MLANA: variants seen among roughly 807,000 people sequenced by gnomAD.
MLANA encodes melan-A.
A neutral mutation model predicts 15.7 loss-of-function variants in MLANA; 21 were observed. The ratio of observed to expected loss-of-function variants is 1.33; its 90% CI spans 0.95 to 1.92. The LOEUF is 1.92. Among genes scored for constraint, MLANA ranks in the 40% most tolerant of loss-of-function variants. The probability of loss-of-function intolerance (pLI) is 0.00; values close to 1 mark genes in which losing one functional copy is unlikely to be tolerated. For synonymous variants in MLANA, 56 were observed against 51.5 expected (o/e 1.09, Z -0.37); for missense variants, 164 against 143.8 (o/e 1.14, Z -0.72).
intron 3 of MLANA, chr9:5,899,378 G>A (rs1027200688): frequency 6.6e-6 from 1 of 152,168 alleles, no homozygotes; most frequent in Non-Finnish European, 1.5e-5. Context: ...GCAGTCTCAT[G>A]TCTCATGTCT....
At position 5,909,004 on chromosome 9, in the gene MLANA, C is replaced by G. The variant is rs1022704561; in HGVS notation, c.*296C>G. ...GTGTTATTTTCTGAGAGACAGAATTCAAGTGGGTATTCTGGGGCCATCCAA... is the reference window on the plus strand; with the variant it reads ...GTGTTATTTTCTGAGAGACAGAATTGAAGTGGGTATTCTGGGGCCATCCAA... On this transcript the variant is annotated 3_prime_UTR_variant, in exon 5 of 5. Coordinates refer to ENST00000381477, the MANE Select transcript of MLANA (RefSeq NM_005511.2). 2 of 365,062 alleles carry G rather than the reference C, an allele frequency of 5.5e-6. No individual in the cohort carries two copies. The highest frequency in any genetic ancestry group is 4.2e-5 in the African/African-American group (2 of 47,326). 22.6% of individuals were successfully genotyped at this position (365,062 alleles called of 1,614,324 possible). A position where few individuals can be genotyped will look rare whatever the true frequency, so the allele number is the denominator to read the frequency against.
chr9:5,892,042 T>C (rs1831689308), intron 1 of MLANA, among the ~76,000 whole-genome samples: 1 of 152,168 alleles, frequency 6.6e-6, no homozygotes, highest in South Asian at 2.1e-4. Context: ...GAAAAATAAC[T>C]CCTCTAATTT....
In MLANA at chr9:5,897,571, G is replaced by C; in HGVS notation, c.92G>C (p.Gly31Ala). The change falls in exon 3 of 5, where the codon GGC becomes GCC. Residue 31 changes from glycine (G) to alanine (A), a missense_variant. Transcript: ENST00000381477. ...TCTTGGGCCAGGGCCGCTGGGATCGGCATCCTGACAGTGATCCTGGGAGTC... is the reference window on the plus strand; with the variant it reads ...TCTTGGGCCAGGGCCGCTGGGATCGCCATCCTGACAGTGATCCTGGGAGTC... ...YTTAEEAAGI[G>A]ILTVILGVLL... The C allele has an allele frequency of 4.3e-6, 7 of 1,614,092 alleles. No homozygotes were observed. In the South Asian group the frequency reaches 7.7e-5, roughly 18 times the overall value.
intron 2 of MLANA, among the ~76,000 whole-genome samples, chr9:5,896,063 A>C (rs1013699518): frequency 6.6e-6 from 1 of 152,112 alleles, no homozygotes; most frequent in Non-Finnish European, 1.5e-5. Context: ...CAGGAAAAGC[A>C]CTGGCCTGGG....
At chr9:5,905,539 T>C (rs1291854195) in intron 3 of MLANA, among the ~76,000 whole-genome samples, 2 of 152,242 alleles carry the variant, frequency 1.3e-5, no homozygotes, top group African/African-American at 2.4e-5. Flanking sequence ...TAATGTGGTA[T>C]ACTTTCCAAA....
chr9:5,906,786 G>T, intron 3 of MLANA, 99 bp from the exon 4 acceptor site: 2 of 715,490 alleles, frequency 2.8e-6, no homozygotes, highest in Non-Finnish European at 4.6e-6. Flanking sequence ...GCAGAACCTA[G>T]ATTAAAACTC....
chr9:5,900,202 G>T lies in MLANA; in HGVS notation c.174+2549G>T, dbSNP rs369516885. ...TCATTTAATTGAAAAATAACAGAGA[G>T]TCTTAATGTCATGTGCTCAGACACT... On this transcript the variant is annotated intron_variant, in intron 3 of 4. Transcript: ENST00000381477. Among the ~76,000 whole-genome samples, 2 of 152,106 alleles carry T rather than the reference G, an allele frequency of 1.3e-5. 1 individual carries two copies. Among genetic ancestry groups the T allele is most frequent in the South Asian group, 4.1e-4 (2 of 4,826 alleles).
intron 1 of MLANA, among the ~76,000 whole-genome samples, chr9:5,891,729 C>T (rs1415551708): frequency 2.6e-5 from 4 of 152,228 alleles, no homozygotes; most frequent in East Asian, 3.9e-4. Context: ...AAAAAGAATC[C>T]TAGCCAAGGG....
At chr9:5,903,083 CAT>C (rs1222986493) in intron 3 of MLANA, among the ~76,000 whole-genome samples, 15 of 152,044 alleles carry the variant, frequency 9.9e-5, no homozygotes, top group Non-Finnish European at 2.1e-4. Flanking sequence ...TCCTTTGACT[CAT>C]GTGTTATGTA....
Position 5,894,936 on chromosome 9 carries a change from C to G in MLANA, c.77+2385C>G, listed in dbSNP as rs116918364. ...TATGACCACTATCATGTGAAGGAACCCCTTGACTGAAGGCACAAGCTTTCT... is the reference window on the plus strand; with the variant it reads ...TATGACCACTATCATGTGAAGGAACGCCTTGACTGAAGGCACAAGCTTTCT... On this transcript the variant is annotated intron_variant, in intron 2 of 4. Coordinates refer to ENST00000381477, the MANE Select transcript of MLANA (RefSeq NM_005511.2). The surrounding 1 kb of genome is among the most constrained non-coding windows in gnomAD (Gnocchi z 4.0). 6.6e-6 allele frequency among the ~76,000 whole-genome samples: 1 copy of G among 152,154 alleles called. No individual in the cohort carries two copies. The highest frequency in any genetic ancestry group is 1.5e-5 in the Non-Finnish European group (1 of 68,038).
At chr9:5,891,426 T>G (rs1831650634) in intron 1 of MLANA, 1 of 152,200 alleles carries the variant, frequency 6.6e-6, no homozygotes, top group African/African-American at 2.4e-5. Flanking sequence ...ATTTCTTTTT[T>G]ACAACTGGGA....
intron 2 of MLANA, among the ~76,000 whole-genome samples, chr9:5,893,330 G>T (rs1586915867): frequency 1.3e-5 from 2 of 152,262 alleles, no homozygotes; most frequent in South Asian, 4.1e-4. Flanking sequence ...CTCTGCGTGG[G>T]ACTCTAACAG....
chr9:5,892,481 AGAG>A lies in MLANA; in HGVS notation c.8_10del (p.Arg3_Glu4delinsLys). ...TGTGCCCTGACCCTACAAGATGCCA[AGAG>A]AAGATGCTCACTTCATCTATGGTTA... On this transcript the variant is annotated inframe_deletion, in exon 2 of 5. Transcript: ENST00000381477. 6.2e-7 allele frequency: 1 copy of A among 1,613,606 alleles called. No individual in the cohort carries two copies. The highest frequency in any genetic ancestry group is 2.2e-5 in the East Asian group (1 of 44,862).
chr9:5,906,861 C>T, intron 3 of MLANA, 24 bp from the exon 4 acceptor site: 1 of 1,442,626 alleles, frequency 6.9e-7, no homozygotes, highest in South Asian at 1.3e-5. Context: ...CTCACCCACT[C>T]ACCTTTATCA....
At chr9:5,901,100 C>T (rs10815303) in intron 3 of MLANA, among the ~76,000 whole-genome samples, 15,351 of 151,588 alleles carry the variant, frequency 0.1, 988 homozygotes, top group Middle Eastern at 0.14. Flanking sequence ...TAGAGTGGAT[C>T]ATACTCTTAA....
Position 5,908,829 on chromosome 9 carries a change from T to A in MLANA, c.*121T>A. The A allele has an allele frequency of 1.1e-6, 1 of 899,312 alleles. No individual in the cohort carries two copies. Among genetic ancestry groups the A allele is most frequent in the Non-Finnish European group, 1.8e-6 (1 of 569,188 alleles). The allele number at this position is 899,312 out of a possible 1,614,324, so 55.7% of individuals were successfully genotyped here. On this transcript the variant is annotated 3_prime_UTR_variant, in exon 5 of 5. Transcript: ENST00000381477. ...TAGGAAAAATGCAAGCCATCTCTAATAATAAGTCAGTGTTAAAATTTTAGT... is the reference window on the plus strand; with the variant it reads ...TAGGAAAAATGCAAGCCATCTCTAAAAATAAGTCAGTGTTAAAATTTTAGT...
rs935451249 is a variant in MLANA at position 5,894,562 on chromosome 9, G to C, written c.77+2011G>C. On this transcript the variant is annotated intron_variant, in intron 2 of 4. Coordinates refer to ENST00000381477, the MANE Select transcript of MLANA (RefSeq NM_005511.2). The surrounding 1 kb of genome is among the most constrained non-coding windows in gnomAD (Gnocchi z 4.0). ...GTTCTGGTGTCTCAAGAGCTTAGAAGTGAGGGGCATGAATCAAATACTCAG... is the reference window on the plus strand; with the variant it reads ...GTTCTGGTGTCTCAAGAGCTTAGAACTGAGGGGCATGAATCAAATACTCAG... Among the ~76,000 whole-genome samples the C allele has an allele frequency of 6.6e-6, 1 of 152,200 alleles. No homozygotes were observed. Among genetic ancestry groups the C allele is most frequent in the Non-Finnish European group, 1.5e-5 (1 of 68,034 alleles).
intron 3 of MLANA, among the ~76,000 whole-genome samples, chr9:5,898,469 C>T (rs1832188298): frequency 6.6e-6 from 1 of 152,172 alleles, no homozygotes. Context: ...AGTCCTACCT[C>T]TTACCATTGT....
chr9:5,901,224 T>C (rs1832401539), intron 3 of MLANA, among the ~76,000 whole-genome samples: 1 of 152,198 alleles, frequency 6.6e-6, no homozygotes. Flanking sequence ...TTTTCCAGTT[T>C]ATTGCATTAG....
Sources: allele counts gnomAD v4.1 joint callset (sites outside exome capture counted in the v4.1 genomes callset), GRCh38; gene constraint gnomAD v4.1.1; non-coding constraint Gnocchi (gnomAD v3.1); transcripts MANE v1.5; gene names NCBI Gene and HGNC (gene_info 2026-07-23, HGNC 2026-07-21).